The following RAPGEF1 variants were observed in gnomAD, a reference collection of about 807,000 sequenced individuals.
RAPGEF1 encodes Rap guanine nucleotide exchange factor 1, also known as CRK SH3-binding GNRP.
In RAPGEF1, 33 loss-of-function variants were observed where a neutral mutation model predicts 143.3. The observed-to-expected ratio is 0.23, with a 90% CI of 0.17 to 0.31. RAPGEF1 has a LOEUF of 0.31. Ranked by LOEUF, RAPGEF1 falls within the 10% of genes least tolerant of loss-of-function variation. The pLI is 1.00. For synonymous variants in RAPGEF1, 629 were observed against 676.5 expected (o/e 0.93, Z 1.09); for missense variants, 1,199 against 1,645.4 (o/e 0.73, Z 4.69).
rs571561523 is a variant in RAPGEF1 at position 131,614,148 on chromosome 9, C to CG, written c.2061+4902_2061+4903insC. On this transcript the variant is annotated intron_variant, in intron 12 of 26. Coordinates refer to ENST00000683357, the MANE Select transcript of RAPGEF1 (RefSeq NM_001377935.1). The stretch of plus-strand genomic sequence containing the variant: ...CCAGTGTGTGCACCAACACCCCCCC[C>CG]CAAGGAGGGGCTGCCTTGAGAAACC... Among the ~76,000 whole-genome samples, 60 of 152,102 alleles carry CG rather than the reference C, an allele frequency of 3.9e-4. No homozygotes were observed. The South Asian group carries it at 0.012, about 31-fold the overall frequency.
chr9:131,688,413 C>G (rs1027257949), intron 1 of RAPGEF1, among the ~76,000 whole-genome samples: 1 of 152,188 alleles, frequency 6.6e-6, no homozygotes, highest in Non-Finnish European at 1.5e-5. Flanking sequence ...TGGATGTTAA[C>G]TACCCATTAA....
chr9:131,644,132 C>G (rs1442453360), intron 3 of RAPGEF1, among the ~76,000 whole-genome samples: 1 of 152,162 alleles, frequency 6.6e-6, no homozygotes, highest in Non-Finnish European at 1.5e-5. Context: ...CTGAGAGAAG[C>G]CCACCTGAGA....
intron 1 of RAPGEF1, among the ~76,000 whole-genome samples, chr9:131,730,705 A>AAAAAAAAAAAAAAAAAAAAAAAAG (rs1837007760): frequency 6.7e-6 from 1 of 148,490 alleles, no homozygotes; most frequent in East Asian, 2.0e-4. Context: ...CTCAAAAAAA[A>AAAAAAAAAAAAAAAAAAAAAAAAG]AAAAAAAAAA....
chr9:131,621,943 G>A lies in RAPGEF1; in HGVS notation c.1758C>T (p.Phe586=). The A allele has an allele frequency of 1.2e-6, 2 of 1,613,818 alleles. No individual in the cohort carries two copies. The highest frequency in any genetic ancestry group is 1.7e-6 in the Non-Finnish European group (2 of 1,179,836). Residue 586 remains phenylalanine, a synonymous_variant, in exon 11 of 27, where the codon TTC becomes TTT. Transcript: ENST00000683357. The surrounding 1 kb of genome is among the most constrained non-coding windows in gnomAD (Gnocchi z 4.5). ...TGTGCTCGTTCTGTGGCGTCTGGTAGAACATAGAGGGCTGCGGCTCCGAGT... is the reference window on the plus strand; with the variant it reads ...TGTGCTCGTTCTGTGGCGTCTGGTAAAACATAGAGGGCTGCGGCTCCGAGT... ...EDYSEPQPSM[F]YQTPQNEHIY... is the part of the protein sequence containing the mutation.
chr9:131,663,453 C>CTT (rs57688948), intron 1 of RAPGEF1, among the ~76,000 whole-genome samples: 3,962 of 141,396 alleles, frequency 0.028, 137 homozygotes, highest in African/African-American at 0.083. Flanking sequence ...TTCTCTATAG[C>CTT]TTTTTTTTTT....
At chr9:131,724,779 T>TC (rs34930767) in intron 1 of RAPGEF1, among the ~76,000 whole-genome samples, 19,752 of 151,962 alleles carry the variant, frequency 0.13, 1,933 homozygotes, top group African/African-American at 0.25. Context: ...AATGTCAAGG[T>TC]CCCCCCTAAA....
At chr9:131,700,588 T>C (rs569998608) in intron 1 of RAPGEF1, among the ~76,000 whole-genome samples, 2 of 152,322 alleles carry the variant, frequency 1.3e-5, no homozygotes, top group East Asian at 3.9e-4. Flanking sequence ...GAACATCCAA[T>C]CAATAAATGA....
chr9:131,739,688 G>A (rs1837630259), intron 1 of RAPGEF1, 82 bp downstream of exon 1: 7 of 986,012 alleles, frequency 7.1e-6, no homozygotes, highest in Non-Finnish European at 8.5e-6. Flanking sequence ...CACATCCCGG[G>A]CGACCCGCGC....
At chr9:131,646,306 C>T (rs1263250538) in intron 3 of RAPGEF1, among the ~76,000 whole-genome samples, 2 of 152,172 alleles carry the variant, frequency 1.3e-5, no homozygotes, top group Non-Finnish European at 2.9e-5. Flanking sequence ...TGTCTGAGTT[C>T]AGAGCCTGGA....
chr9:131,652,378 T>C (rs765252701), intron 1 of RAPGEF1, among the ~76,000 whole-genome samples: 17 of 152,208 alleles, frequency 1.1e-4, no homozygotes, highest in Non-Finnish European at 2.5e-4. Context: ...GCCTCTCGAG[T>C]GGCTAGGACT....
At chr9:131,630,444 C>T in intron 5 of RAPGEF1, 120 bp from the exon 6 acceptor site, 2 of 911,240 alleles carry the variant, frequency 2.2e-6, no homozygotes, top group South Asian at 3.0e-5. Context: ...CTACAGATTC[C>T]CCACGCACCA....
At chr9:131,611,752 T>G (rs1281503131) in intron 12 of RAPGEF1, among the ~76,000 whole-genome samples, 1 of 152,218 alleles carries the variant, frequency 6.6e-6, no homozygotes, top group African/African-American at 2.4e-5. Flanking sequence ...GTAGCTACAC[T>G]TTGTAACATG....
At chr9:131,637,600 G>A (rs1966712873) in intron 5 of RAPGEF1, among the ~76,000 whole-genome samples, 1 of 152,090 alleles carries the variant, frequency 6.6e-6, no homozygotes, top group Non-Finnish European at 1.5e-5. Flanking sequence ...TTTGGATTGA[G>A]GGGTCCAGAA....
intron 1 of RAPGEF1, among the ~76,000 whole-genome samples, chr9:131,724,851 C>A (rs577809257): frequency 1.3e-5 from 2 of 152,336 alleles, no homozygotes; most frequent in South Asian, 4.1e-4. Flanking sequence ...AAGAGACACA[C>A]AGATATTGGC....
intron 16 of RAPGEF1, among the ~76,000 whole-genome samples, 164 bp downstream of exon 16, chr9:131,598,035 C>T (rs1322763652): frequency 6.6e-6 from 1 of 152,186 alleles, no homozygotes; most frequent in Non-Finnish European, 1.5e-5. Flanking sequence ...CTGGAGTCTA[C>T]CCCTCCAGAG....
rs1304678668 is a variant in RAPGEF1, at chr9:131,650,511, G to A, written c.202-269C>T. On this transcript the variant is annotated intron_variant, in intron 2 of 26. Transcript: ENST00000683357. This position sits in a 1 kb window ranked among gnomAD's most constrained non-coding sequence, Gnocchi z 4.7. ...CCAAGGCAACGTAGGGAACTGCAGG[G>A]CAGGGAGGCAGCAGCCTGGGGTGTG... Among the ~76,000 whole-genome samples, 2 of 152,152 alleles carry A rather than the reference G, an allele frequency of 1.3e-5. No homozygotes were observed. Among genetic ancestry groups the A allele is most frequent in the Non-Finnish European group, 2.9e-5 (2 of 67,970 alleles).
At chr9:131,683,188 G>A (rs953173478) in intron 1 of RAPGEF1, among the ~76,000 whole-genome samples, 1 of 152,160 alleles carries the variant, frequency 6.6e-6, no homozygotes, top group Non-Finnish European at 1.5e-5. Flanking sequence ...ACAAAGTTCC[G>A]CCAAAGATTA....
chr9:131,615,940 G>T (rs1958930993), intron 12 of RAPGEF1, among the ~76,000 whole-genome samples: 1 of 152,108 alleles, frequency 6.6e-6, no homozygotes, highest in Non-Finnish European at 1.5e-5. Context: ...TACATACAAG[G>T]TATCTTAAGA....
chr9:131,594,742 C>T (rs564182814), intron 17 of RAPGEF1, among the ~76,000 whole-genome samples: 4 of 152,344 alleles, frequency 2.6e-5, no homozygotes, highest in Middle Eastern at 3.4e-3. Flanking sequence ...CCCACCGGCA[C>T]GGAGCGTCCT....
Sources: allele counts gnomAD v4.1 joint callset (sites outside exome capture counted in the v4.1 genomes callset), GRCh38; gene constraint gnomAD v4.1.1; non-coding constraint Gnocchi (gnomAD v3.1); transcripts MANE v1.5; gene names NCBI Gene and HGNC (gene_info 2026-07-23, HGNC 2026-07-21).